SEZ6L: variants seen among roughly 807,000 people sequenced by gnomAD.
The protein encoded by SEZ6L is seizure 6-like protein.
In SEZ6L, 37 loss-of-function variants were observed where a neutral mutation model predicts 106.2. The ratio of observed to expected loss-of-function variants is 0.35; its 90% CI spans 0.27 to 0.46. The LOEUF (loss-of-function observed/expected upper bound fraction) is 0.46. Among genes scored for constraint, SEZ6L ranks in the 20% least tolerant of loss-of-function variants. The pLI is 1.00. For missense variants in SEZ6L, 1,172 were observed against 1,332.8 expected (o/e 0.88, Z 1.88); for synonymous variants, 541 against 570.4 (o/e 0.95, Z 0.73).
intron 1 of SEZ6L, among the ~76,000 whole-genome samples, chr22:26,175,359 T>C (rs1664659259): frequency 6.6e-6 from 1 of 152,218 alleles, no homozygotes; most frequent in Admixed American, 6.5e-5. Context: ...TTTAACAATA[T>C]CATTTCATTT....
chr22:26,335,045 A>G (rs186932393), intron 9 of SEZ6L, among the ~76,000 whole-genome samples: 1 of 152,340 alleles, frequency 6.6e-6, no homozygotes, highest in Non-Finnish European at 1.5e-5. Flanking sequence ...CTCTCCCTGC[A>G]GTGAACTCAA....
intron 1 of SEZ6L, among the ~76,000 whole-genome samples, chr22:26,194,450 C>T (rs1383465492): frequency 6.6e-6 from 1 of 152,090 alleles, no homozygotes; most frequent in Non-Finnish European, 1.5e-5. Context: ...CTATCCTTAC[C>T]CCTGAATTCA....
chr22:26,293,417 A>G (rs962312930), intron 2 of SEZ6L, among the ~76,000 whole-genome samples: 9 of 152,192 alleles, frequency 5.9e-5, no homozygotes, highest in Non-Finnish European at 1.2e-4. Flanking sequence ...TGCAGCCTCA[A>G]ACTCCTGTGC....
chr22:26,268,722 C>T (rs1043025702), intron 1 of SEZ6L, among the ~76,000 whole-genome samples: 2 of 152,184 alleles, frequency 1.3e-5, no homozygotes, highest in African/African-American at 2.4e-5. Flanking sequence ...GCAATACCCT[C>T]GGCTTCCATC....
intron 10 of SEZ6L, among the ~76,000 whole-genome samples, chr22:26,345,990 C>T (rs2146001643): frequency 6.6e-6 from 1 of 152,082 alleles, no homozygotes; most frequent in East Asian, 1.9e-4. Context: ...GAAGAATATA[C>T]CAACAGTTTA....
intron 1 of SEZ6L, among the ~76,000 whole-genome samples, chr22:26,291,976 A>AAAGGAAGGAAGG (rs56887152): frequency 2.2e-4 from 27 of 123,312 alleles, no homozygotes; most frequent in Admixed American, 8.0e-4. Flanking sequence ...GTCTTCAGGA[A>AAAGGAAGGAAGG]AAGGAAGGAA....
intron 1 of SEZ6L, among the ~76,000 whole-genome samples, chr22:26,219,572 A>G (rs1196213359): frequency 6.6e-6 from 1 of 152,174 alleles, no homozygotes; most frequent in Non-Finnish European, 1.5e-5. Flanking sequence ...CAGTAAATTA[A>G]CCACTTTCTA....
intron 5 of SEZ6L, among the ~76,000 whole-genome samples, chr22:26,300,167 A>G (rs1406409890): frequency 1.3e-5 from 2 of 150,864 alleles, no homozygotes; most frequent in Admixed American, 6.6e-5. Context: ...TTTTTTTTTA[A>G]TTATACTTTA....
chr22:26,277,474 T>C (rs980044317), intron 1 of SEZ6L, among the ~76,000 whole-genome samples: 3 of 152,196 alleles, frequency 2.0e-5, no homozygotes, highest in African/African-American at 7.2e-5. Flanking sequence ...CAGCAAGAAA[T>C]TAATCAGTTG....
chr22:26,213,789 C>T (rs1020591593), intron 1 of SEZ6L, among the ~76,000 whole-genome samples: 1 of 152,286 alleles, frequency 6.6e-6, no homozygotes, highest in African/African-American at 2.4e-5. Context: ...GGTGTAGTGC[C>T]GTGCACCTGT....
chr22:26,200,250 G>A (rs997911328), intron 1 of SEZ6L, among the ~76,000 whole-genome samples: 6 of 152,260 alleles, frequency 3.9e-5, no homozygotes, highest in East Asian at 1.9e-4. Flanking sequence ...GTTTGTGTGC[G>A]TGTATGTGTT....
At chr22:26,257,088 G>T (rs939458687) in intron 1 of SEZ6L, among the ~76,000 whole-genome samples, 3 of 152,182 alleles carry the variant, frequency 2.0e-5, no homozygotes, top group Admixed American at 6.5e-5. Flanking sequence ...CCCCACAACA[G>T]GTGGGGTGGG....
chr22:26,265,316 A>G (rs2080140605), intron 1 of SEZ6L, among the ~76,000 whole-genome samples: 1 of 152,172 alleles, frequency 6.6e-6, no homozygotes, highest in Non-Finnish European at 1.5e-5. Flanking sequence ...AGGAATTCAG[A>G]TCTGCCTTGT....
chr22:26,303,572 C>T (rs2081518870), intron 5 of SEZ6L, among the ~76,000 whole-genome samples: 2 of 152,158 alleles, frequency 1.3e-5, no homozygotes, highest in South Asian at 4.2e-4. Context: ...CTCAACTGCT[C>T]CACTTATTAT....
intron 9 of SEZ6L, among the ~76,000 whole-genome samples, chr22:26,318,923 CT>C (rs1253679190): frequency 6.6e-6 from 1 of 152,180 alleles, no homozygotes; most frequent in African/African-American, 2.4e-5. Flanking sequence ...CAGTGGAGTG[CT>C]GGCTTTCTTA....
intron 8 of SEZ6L, 31 bp from the exon 9 acceptor site, chr22:26,313,732 AG>A (rs746963985): frequency 8.2e-6 from 13 of 1,592,490 alleles, no homozygotes; most frequent in Admixed American, 5.0e-5. Context: ...TTACAAATAA[AG>A]TCCGTCTTCT....
At chr22:26,185,129 G>A (rs1249528195) in intron 1 of SEZ6L, among the ~76,000 whole-genome samples, 1 of 152,120 alleles carries the variant, frequency 6.6e-6, no homozygotes, top group Non-Finnish European at 1.5e-5. Context: ...CAAGATTAAG[G>A]GCTTCCAATG....
chr22:26,293,242 G>A (rs2081196638), intron 2 of SEZ6L, 96 bp downstream of exon 2: 1 of 1,422,118 alleles, frequency 7.0e-7, no homozygotes, highest in Non-Finnish European at 9.2e-7. Context: ...AGAAGCCCCG[G>A]CCCCACCATC....
intron 9 of SEZ6L, among the ~76,000 whole-genome samples, chr22:26,329,958 T>G (rs2082429625): frequency 1.3e-5 from 2 of 152,282 alleles, no homozygotes; most frequent in South Asian, 4.1e-4. Flanking sequence ...TATGATTTAT[T>G]TCATCACTAT....
Sources: gnomAD v4.1 joint callset for allele counts (sites outside exome capture counted in the v4.1 genomes callset) on GRCh38, gnomAD v4.1.1 for gene constraint, MANE v1.5 for transcripts, NCBI Gene and HGNC (gene_info 2026-07-23, HGNC 2026-07-21) for gene names.